CDH2: variants seen among roughly 807,000 people sequenced by gnomAD.
The protein encoded by CDH2 is cadherin 2.
Under a neutral mutation model 92.0 loss-of-function variants are expected in CDH2, and 17 were observed. The observed-to-expected ratio is 0.18, with a 90% confidence interval of 0.13 to 0.28. The LOEUF is 0.28. Ranked by LOEUF, CDH2 falls within the 10% of genes least tolerant of loss-of-function variation. CDH2 has a pLI of 1.00. For missense variants in CDH2, 862 were observed against 1,133.1 expected, an observed-to-expected ratio of 0.76 and a Z score of 3.44; for synonymous variants, 419 against 415.9, an observed-to-expected ratio of 1.01 and a Z score of -0.09.
chr18:28,085,691 G>T (rs1220015), intron 2 of CDH2, among the ~76,000 whole-genome samples: 127 of 151,964 alleles, frequency 8.4e-4, no homozygotes, highest in African/African-American at 3.0e-3. Flanking sequence ...GTCACACATC[G>T]GATGGAAATC....
intron 10 of CDH2, among the ~76,000 whole-genome samples, chr18:27,989,628 A>T (rs17522305): frequency 0.01 from 1,548 of 152,286 alleles, 29 homozygotes; most frequent in African/African-American, 0.034. Context: ...GGAAATCTTT[A>T]CAGATAGGTT....
At chr18:28,008,671 C>A (rs1374853712) in intron 5 of CDH2, among the ~76,000 whole-genome samples, 1 of 151,500 alleles carries the variant, frequency 6.6e-6, no homozygotes, top group Non-Finnish European at 1.5e-5. Flanking sequence ...GTGCAGCACA[C>A]CAACATGGCA....
chr18:28,048,713 C>T (rs149542947), intron 2 of CDH2, among the ~76,000 whole-genome samples: 3 of 152,062 alleles, frequency 2.0e-5, no homozygotes, highest in Admixed American at 1.3e-4. Flanking sequence ...ATGCTGATCC[C>T]GTAACTAAAT....
At chr18:27,962,571 T>A (rs1298205854) in intron 15 of CDH2, among the ~76,000 whole-genome samples, 1 of 152,164 alleles carries the variant, frequency 6.6e-6, no homozygotes, top group African/African-American at 2.4e-5. Flanking sequence ...GAGACACCAA[T>A]GATATGACCA....
chr18:27,982,696 T>C (rs188467321), intron 14 of CDH2, among the ~76,000 whole-genome samples: 191 of 151,826 alleles, frequency 1.3e-3, no homozygotes, highest in African/African-American at 4.3e-3. Flanking sequence ...TACACAGATA[T>C]AACTAGAATT....
chr18:27,968,661 T>C (rs2011585677), intron 14 of CDH2, among the ~76,000 whole-genome samples: 1 of 152,222 alleles, frequency 6.6e-6, no homozygotes, highest in Non-Finnish European at 1.5e-5. Flanking sequence ...CACAACAGTT[T>C]TGCTATCTCT....
intron 1 of CDH2, among the ~76,000 whole-genome samples, chr18:28,153,884 C>T (rs2016165676): frequency 1.3e-5 from 2 of 152,128 alleles, no homozygotes; most frequent in Non-Finnish European, 1.5e-5. Flanking sequence ...CCATACAGGC[C>T]GGTAGGTCTC....
At chr18:28,145,179 A>T (rs114638391) in intron 2 of CDH2, among the ~76,000 whole-genome samples, 1 of 152,102 alleles carries the variant, frequency 6.6e-6, no homozygotes, top group Non-Finnish European at 1.5e-5. Flanking sequence ...TATATTGTAC[A>T]TACTGGTGAG....
chr18:28,039,049 T>A (rs1285316458), intron 2 of CDH2, among the ~76,000 whole-genome samples: 2 of 152,188 alleles, frequency 1.3e-5, no homozygotes, highest in African/African-American at 4.8e-5. Flanking sequence ...ATCTCATCTC[T>A]GGGATTGTAC....
intron 15 of CDH2, among the ~76,000 whole-genome samples, chr18:27,955,131 C>T (rs1233259128): frequency 6.6e-6 from 1 of 152,084 alleles, no homozygotes; most frequent in African/African-American, 2.4e-5. Context: ...AGGTCATCTG[C>T]TTTACCACAA....
At chr18:28,004,175 T>C (rs1431328422) in intron 6 of CDH2, among the ~76,000 whole-genome samples, 1 of 152,174 alleles carries the variant, frequency 6.6e-6, no homozygotes, top group East Asian at 1.9e-4. Flanking sequence ...TGTACTTCCT[T>C]GTTTGCATGT....
In CDH2 at chr18:27,983,026, T is replaced by C; in HGVS notation, c.2267A>G (p.Lys756Arg). The C allele has an allele frequency of 6.2e-7, 1 of 1,612,872 alleles. No individual in the cohort carries two copies. Among genetic ancestry groups the C allele is most frequent in the Non-Finnish European group, 8.5e-7 (1 of 1,179,036 alleles). Residue 756 changes from lysine (K) to arginine (R), a missense_variant, in exon 14 of 16, where the codon AAA becomes AGA. By Grantham distance (26) the Lys-to-Arg change is conservative. Coordinates refer to ENST00000269141, the MANE Select transcript of CDH2 (RefSeq NM_001792.5). ...ATCTTCTGGATCAATTAAAAGTTGT[T>C]TGGCCTGGCGTTCTTTATCCCGGCG... ...MKRRDKERQA[K>R]QLLIDPEDDV...
chr18:28,103,447 T>C (rs2015267053), intron 2 of CDH2, among the ~76,000 whole-genome samples: 2 of 140,600 alleles, frequency 1.4e-5, no homozygotes, highest in South Asian at 2.2e-4. Context: ...TATGTTTATA[T>C]ATATATATAT....
At chr18:28,102,359 A>G (rs896426022) in intron 2 of CDH2, among the ~76,000 whole-genome samples, 4 of 151,952 alleles carry the variant, frequency 2.6e-5, no homozygotes, top group Non-Finnish European at 4.4e-5. Context: ...CAGTGAGGGT[A>G]TTCTGACCCA....
chr18:27,955,569 G>A (rs1036350477), intron 15 of CDH2, among the ~76,000 whole-genome samples: 11 of 151,846 alleles, frequency 7.2e-5, no homozygotes, highest in Admixed American at 2.6e-4. Context: ...GTGTGTTCAC[G>A]GACCCCAGGA....
chr18:27,935,357 T>C (rs1457763812), intron 6 of CDH2, among the ~76,000 whole-genome samples: 1 of 152,100 alleles, frequency 6.6e-6, no homozygotes, highest in Non-Finnish European at 1.5e-5. Context: ...GAGAGTGAAG[T>C]GGGAGGTGCT....
intron 2 of CDH2, among the ~76,000 whole-genome samples, chr18:28,051,832 T>C (rs927317039): frequency 1.3e-5 from 2 of 152,168 alleles, no homozygotes; most frequent in Non-Finnish European, 2.9e-5. Flanking sequence ...ATGATAATTA[T>C]GTCATAGCAC....
chr18:28,171,527 G>T lies in CDH2; in HGVS notation c.60+5436C>A, dbSNP rs893725438. Among the ~76,000 whole-genome samples the T allele has an allele frequency of 3.9e-5, 6 of 151,994 alleles. 1 individual carries two copies. Among genetic ancestry groups the T allele is most frequent in the Non-Finnish European group, 5.9e-5 (4 of 68,010 alleles). The stretch of plus-strand genomic sequence containing the variant: ...TTGTTTACTTTTACTGGCAAAGGTA[G>T]CACAGCCAATGAAGAAAATTTTAAG... On this transcript the variant is annotated intron_variant, in intron 1 of 15. Transcript: ENST00000269141.
intron 2 of CDH2, among the ~76,000 whole-genome samples, chr18:28,101,113 G>A (rs985335906): frequency 2.6e-5 from 4 of 152,072 alleles, no homozygotes; most frequent in Admixed American, 2.0e-4. Flanking sequence ...ATTTAAACAC[G>A]TAAAACATAA....
Sources: gnomAD v4.1 joint callset for allele counts (sites outside exome capture counted in the v4.1 genomes callset) on GRCh38, gnomAD v4.1.1 for gene constraint, MANE v1.5 for transcripts, NCBI Gene and HGNC (gene_info 2026-07-23, HGNC 2026-07-21) for gene names.